CNBD1: variants seen among roughly 807,000 people sequenced by gnomAD.
The protein encoded by CNBD1 is cyclic nucleotide binding domain containing 1.
CNBD1 carries 71 observed loss-of-function variants against 54.4 expected under a neutral mutation model. The ratio of observed to expected loss-of-function variants is 1.30; its 90% CI spans 1.08 to 1.59. The LOEUF is 1.59. Ranked by LOEUF, CNBD1 falls within the 40% of genes most tolerant of loss-of-function variation. The probability of loss-of-function intolerance (pLI) is 0.00; values close to 1 mark genes in which losing one functional copy is unlikely to be tolerated. For synonymous variants in CNBD1, 182 were observed against 170.7 expected (o/e 1.07, Z -0.51); for missense variants, 659 against 518.0 (o/e 1.27, Z -2.64).
intron 6 of CNBD1, among the ~76,000 whole-genome samples, chr8:87,249,781 C>T (rs1207675992): frequency 2.0e-5 from 3 of 152,086 alleles, no homozygotes; most frequent in African/African-American, 7.2e-5. Context: ...GTTAGTTTGA[C>T]AGTATGCAAG....
intron 4 of CNBD1, among the ~76,000 whole-genome samples, chr8:87,035,000 T>A (rs1809882840): frequency 1.3e-5 from 2 of 152,288 alleles, no homozygotes; most frequent in South Asian, 4.1e-4. Flanking sequence ...TTTTGCTGTA[T>A]GTTTACATTT....
intron 4 of CNBD1, among the ~76,000 whole-genome samples, chr8:86,991,137 G>C (rs184846876): frequency 8.1e-4 from 123 of 152,152 alleles, no homozygotes; most frequent in Non-Finnish European, 1.4e-3. Context: ...ATGATAATTT[G>C]ACTTCTTCCT....
At chr8:87,374,221 C>T (rs113904212) in intron 10 of CNBD1, among the ~76,000 whole-genome samples, 2,874 of 151,698 alleles carry the variant, frequency 0.019, 93 homozygotes, top group African/African-American at 0.063. Flanking sequence ...GAATATTTAC[C>T]GTGCACTTCA....
At chr8:87,326,993 C>T (rs1234494582) in intron 8 of CNBD1, among the ~76,000 whole-genome samples, 6 of 147,458 alleles carry the variant, frequency 4.1e-5, no homozygotes, top group Non-Finnish European at 7.5e-5. Context: ...GTGTGGATGT[C>T]CTTTCTGTTT....
At chr8:87,427,191 A>T (rs79198879) in intron 2 of CNBD1, among the ~76,000 whole-genome samples, 1,619 of 152,210 alleles carry the variant, frequency 0.011, 47 homozygotes, top group African/African-American at 0.037. Context: ...ATACCCTAAG[A>T]GTCTGCTACA....
intron 3 of CNBD1, among the ~76,000 whole-genome samples, chr8:86,932,803 A>G (rs916600991): frequency 6.6e-6 from 1 of 152,114 alleles, no homozygotes; most frequent in African/African-American, 2.4e-5. Context: ...CCCATCTGAA[A>G]GAAAAAAAAC....
At chr8:87,316,472 C>G (rs1809390478) in intron 8 of CNBD1, among the ~76,000 whole-genome samples, 1 of 151,910 alleles carries the variant, frequency 6.6e-6, no homozygotes. Context: ...TCAATTGATG[C>G]AACATGTTTC....
At chr8:87,025,684 A>G (rs1054718160) in intron 4 of CNBD1, among the ~76,000 whole-genome samples, 2 of 152,192 alleles carry the variant, frequency 1.3e-5, no homozygotes, top group East Asian at 3.9e-4. Flanking sequence ...TGGAACAGAC[A>G]ACTCCGGACA....
chr8:87,107,017 A>G (rs1310274930), intron 4 of CNBD1, among the ~76,000 whole-genome samples: 2 of 151,862 alleles, frequency 1.3e-5, no homozygotes, highest in Non-Finnish European at 2.9e-5. Flanking sequence ...TTTAGTAGAG[A>G]TGGGGCTTCA....
At chr8:87,228,686 G>A (rs1225830585) in intron 5 of CNBD1, among the ~76,000 whole-genome samples, 2 of 151,696 alleles carry the variant, frequency 1.3e-5, no homozygotes, top group East Asian at 3.9e-4. Context: ...AGTTACTGCT[G>A]TCTTTTTGTT....
At chr8:87,079,694 A>C (rs76496109) in intron 4 of CNBD1, among the ~76,000 whole-genome samples, 2,691 of 152,160 alleles carry the variant, frequency 0.018, 99 homozygotes, top group African/African-American at 0.063. Flanking sequence ...TTTTTTATTG[A>C]GTTAGAAGGA....
chr8:86,960,192 T>G lies in CNBD1; in HGVS notation c.431+20438T>G, dbSNP rs6468582. Among the ~76,000 whole-genome samples the G allele has an allele frequency of 9.2e-3, 1,400 of 152,228 alleles. 25 individuals carry two copies. Among genetic ancestry groups the G allele is most frequent in the African/African-American group, 0.032 (1,339 of 41,548 alleles). ...AGCCAAAGCAGGGTGGGGCATCGCCTCACCCAGGAAGCACAAGGGGTCAGG... is the reference window on the plus strand; with the variant it reads ...AGCCAAAGCAGGGTGGGGCATCGCCGCACCCAGGAAGCACAAGGGGTCAGG... On this transcript the variant is annotated intron_variant, in intron 4 of 10. Coordinates refer to ENST00000518476, the MANE Select transcript of CNBD1 (RefSeq NM_173538.3).
intron 10 of CNBD1, among the ~76,000 whole-genome samples, chr8:87,374,978 CA>C (rs999770152): frequency 1.3e-5 from 2 of 151,854 alleles, no homozygotes; most frequent in African/African-American, 4.8e-5. Context: ...GTTCTCAAAA[CA>C]AGTAATAATT....
intron 2 of CNBD1, among the ~76,000 whole-genome samples, chr8:87,416,529 C>A (rs903448949): frequency 6.6e-6 from 1 of 152,042 alleles, no homozygotes; most frequent in African/African-American, 2.4e-5. Context: ...GTGTGACAGT[C>A]ACTGGAAAGA....
chr8:87,384,123 A>G (rs546709045), downstream of CNBD1, among the ~76,000 whole-genome samples: 1 of 152,196 alleles, frequency 6.6e-6, no homozygotes, highest in Non-Finnish European at 1.5e-5. Context: ...ATAATATAAA[A>G]TATTGAACAT....
chr8:87,013,778 T>A (rs1809273642), intron 4 of CNBD1, among the ~76,000 whole-genome samples: 1 of 151,844 alleles, frequency 6.6e-6, no homozygotes, highest in African/African-American at 2.4e-5. Context: ...AATTCTATAA[T>A]GTTATGTTTA....
chr8:87,248,519 G>T (rs1292579267), intron 6 of CNBD1, among the ~76,000 whole-genome samples: 1 of 152,148 alleles, frequency 6.6e-6, no homozygotes, highest in Non-Finnish European at 1.5e-5. Context: ...TTGAAAAACT[G>T]CAGAGGCTTG....
At chr8:86,935,025 A>G (rs1245204458) in intron 3 of CNBD1, among the ~76,000 whole-genome samples, 1 of 149,732 alleles carries the variant, frequency 6.7e-6, no homozygotes, top group African/African-American at 2.5e-5. Context: ...TTGTTTATTT[A>G]TTTATTTATT....
intron 4 of CNBD1, among the ~76,000 whole-genome samples, chr8:87,169,219 C>A (rs1813035175): frequency 1.3e-5 from 2 of 151,996 alleles, no homozygotes; most frequent in South Asian, 4.1e-4. Context: ...ATTTGTATGT[C>A]TTCAGATATT....
Sources: gnomAD v4.1 joint callset for allele counts (sites outside exome capture counted in the v4.1 genomes callset) on GRCh38, gnomAD v4.1.1 for gene constraint, MANE v1.5 for transcripts, NCBI Gene and HGNC (gene_info 2026-07-23, HGNC 2026-07-21) for gene names.